DOCK1: variants seen among roughly 807,000 people sequenced by gnomAD.
DOCK1 encodes the protein dedicator of cytokinesis protein 1.
A neutral mutation model predicts 262.7 loss-of-function variants in DOCK1; 138 were observed. That is an observed-to-expected ratio of 0.53 (90% CI 0.46 to 0.61). The LOEUF (loss-of-function observed/expected upper bound fraction) is 0.61. Ranked by LOEUF, DOCK1 falls within the 20% of genes least tolerant of loss-of-function variation. The pLI, the probability that DOCK1 is intolerant of heterozygous loss-of-function variation, is 0.00. For missense variants in DOCK1, 1,908 were observed against 2,370.7 expected (o/e 0.80, Z 4.05); for synonymous variants, 866 against 867.4 (o/e 1.00, Z 0.03).
chr10:127,270,310 C>A (rs962676393), intron 29 of DOCK1, among the ~76,000 whole-genome samples: 1 of 152,242 alleles, frequency 6.6e-6, no homozygotes, highest in African/African-American at 2.4e-5. Flanking sequence ...AGGTGTAACT[C>A]AGCGAGAATT....
At chr10:127,077,917 A>G (rs1475512224) in intron 23 of DOCK1, among the ~76,000 whole-genome samples, 1 of 151,756 alleles carries the variant, frequency 6.6e-6, no homozygotes, top group Non-Finnish European at 1.5e-5. Context: ...GAGGGTATGG[A>G]TGGGAGGGAG....
At chr10:127,397,798 C>T (rs2066996569) in intron 38 of DOCK1, among the ~76,000 whole-genome samples, 1 of 151,820 alleles carries the variant, frequency 6.6e-6, no homozygotes, top group African/African-American at 2.4e-5. Context: ...TCCTGTATGA[C>T]ACGGGCAGTG....
chr10:127,103,569 T>C (rs2048373665), intron 23 of DOCK1, among the ~76,000 whole-genome samples: 2 of 152,176 alleles, frequency 1.3e-5, no homozygotes. Flanking sequence ...GAGAAACACC[T>C]TAAGCAATTC....
chr10:127,274,303 A>G (rs1167499399), intron 29 of DOCK1, among the ~76,000 whole-genome samples: 1 of 152,196 alleles, frequency 6.6e-6, no homozygotes, highest in African/African-American at 2.4e-5. Flanking sequence ...GACTGGAGGG[A>G]ACCCATGGAA....
chr10:126,936,599 T>C (rs2134216909), intron 1 of DOCK1, among the ~76,000 whole-genome samples: 1 of 152,302 alleles, frequency 6.6e-6, no homozygotes, highest in African/African-American at 2.4e-5. Context: ...TTCTAACCTG[T>C]AGTTTGCCCA....
At chr10:127,194,365 A>AT (rs1299594481) in intron 27 of DOCK1, among the ~76,000 whole-genome samples, 3 of 152,282 alleles carry the variant, frequency 2.0e-5, no homozygotes, top group South Asian at 2.1e-4. Context: ...CAGGACTTCC[A>AT]TTTTTTCTTT....
chr10:127,185,535 G>C (rs1474831522), intron 27 of DOCK1, among the ~76,000 whole-genome samples: 1 of 152,194 alleles, frequency 6.6e-6, no homozygotes, highest in Non-Finnish European at 1.5e-5. Context: ...AGTATCCTTA[G>C]AGCTGGGACC....
rs1430394666 is a variant in DOCK1, at chr10:126,988,290, CAG to C, written c.324+676_324+677del. ...CTTTTGTTAAGCTTGTATTTCTATT[CAG>C]AGTGTTGATTTCTCATATGCTAATG... is the stretch of plus-strand genomic sequence containing the variant. On this transcript the variant is annotated intron_variant, in intron 5 of 51. Transcript: ENST00000623213. 3.9e-5 allele frequency: 6 copies of C among 152,130 alleles called. No homozygotes were observed. In the East Asian group the frequency reaches 1.2e-3, roughly 29 times the overall value. 9.4% of individuals were successfully genotyped at this position (152,130 alleles called of 1,614,324 possible). A position where few individuals can be genotyped will look rare whatever the true frequency, so the allele number is the denominator to read the frequency against.
intron 27 of DOCK1, among the ~76,000 whole-genome samples, chr10:127,129,297 C>T (rs575432540): frequency 2.0e-5 from 3 of 152,280 alleles, no homozygotes; most frequent in African/African-American, 4.8e-5. Flanking sequence ...CTTAAACTCA[C>T]ATTTTCCTTT....
chr10:127,005,765 CAT>C (rs1449003567), intron 10 of DOCK1, among the ~76,000 whole-genome samples: 1 of 152,028 alleles, frequency 6.6e-6, no homozygotes, highest in Non-Finnish European at 1.5e-5. Flanking sequence ...CTGTGTGTGG[CAT>C]ATGATTTTTA....
chr10:126,907,099 C>T (rs2031005667), intron 1 of DOCK1, among the ~76,000 whole-genome samples: 1 of 151,152 alleles, frequency 6.6e-6, no homozygotes, highest in South Asian at 2.1e-4. Context: ...GTCTGGGGCA[C>T]TTGGCACGGG....
chr10:127,110,423 T>C, intron 25 of DOCK1, 69 bp downstream of exon 25: 1 of 1,390,268 alleles, frequency 7.2e-7, no homozygotes, highest in Non-Finnish European at 1.0e-6. Context: ...ACCCTCTGAA[T>C]TGCCTCTTCT....
intron 27 of DOCK1, among the ~76,000 whole-genome samples, chr10:127,129,286 A>G (rs556871704): frequency 2.6e-5 from 4 of 152,280 alleles, no homozygotes; most frequent in African/African-American, 4.8e-5. Context: ...TAAAGTTTAA[A>G]CTTAAACTCA....
intron 31 of DOCK1, among the ~76,000 whole-genome samples, chr10:127,348,395 A>G (rs1181220197): frequency 2.0e-5 from 3 of 152,188 alleles, no homozygotes; most frequent in East Asian, 1.9e-4. Context: ...TAATTTTGTT[A>G]TGTAAGACAC....
At chr10:127,420,948 G>A (rs954527886) in intron 46 of DOCK1, among the ~76,000 whole-genome samples, 2 of 151,378 alleles carry the variant, frequency 1.3e-5, no homozygotes, top group Non-Finnish European at 2.9e-5. Context: ...GTGAAGTCTC[G>A]CTCTGTTGCC....
chr10:127,375,429 G>A (rs895942148), intron 35 of DOCK1, among the ~76,000 whole-genome samples: 7 of 152,168 alleles, frequency 4.6e-5, no homozygotes, highest in Non-Finnish European at 8.8e-5. Context: ...TTTCAGAGTC[G>A]CCAACAACAT....
At chr10:127,296,399 C>T (rs898730903) in intron 29 of DOCK1, among the ~76,000 whole-genome samples, 1 of 152,196 alleles carries the variant, frequency 6.6e-6, no homozygotes, top group Non-Finnish European at 1.5e-5. Context: ...CACCTGCAGG[C>T]CTGTTCTTTG....
intron 27 of DOCK1, among the ~76,000 whole-genome samples, chr10:127,187,423 T>G (rs2056373283): frequency 1.3e-5 from 2 of 152,184 alleles, no homozygotes; most frequent in Admixed American, 1.3e-4. Context: ...AAGGAAAACA[T>G]AAATCTTTCC....
chr10:127,196,591 C>A (rs1589894236), intron 27 of DOCK1, among the ~76,000 whole-genome samples: 1 of 122,454 alleles, frequency 8.2e-6, no homozygotes, highest in South Asian at 2.8e-4. Flanking sequence ...GGCGGAGCCC[C>A]GGGCCCCGCG....
Sources: gnomAD v4.1 joint callset for allele counts (sites outside exome capture counted in the v4.1 genomes callset) on GRCh38, gnomAD v4.1.1 for gene constraint, MANE v1.5 for transcripts, NCBI Gene and HGNC (gene_info 2026-07-23, HGNC 2026-07-21) for gene names.